The following BBS9 variants were observed in gnomAD, a reference collection of about 807,000 sequenced individuals.
The protein encoded by BBS9 is Bardet-Biedl syndrome 9, also known as protein PTHB1.
BBS9 carries 89 observed loss-of-function variants against 117.7 expected under a neutral mutation model. That is an observed-to-expected ratio of 0.76 (90% CI 0.64 to 0.90). BBS9 has a LOEUF of 0.90. Ranked by LOEUF, BBS9 falls within the 40% of genes least tolerant of loss-of-function variation. BBS9 has a pLI of 0.00. For synonymous variants in BBS9, 379 were observed against 370.9 expected (o/e 1.02, Z -0.25); for missense variants, 982 against 1,042.2 (o/e 0.94, Z 0.80).
intron 19 of BBS9, among the ~76,000 whole-genome samples, chr7:33,435,285 C>G (rs1039601279): frequency 1.3e-5 from 2 of 152,108 alleles, no homozygotes; most frequent in African/African-American, 4.8e-5. Context: ...ATAAAATTTA[C>G]TGGCTATATG....
chr7:33,314,738 A>G (rs1810111843), intron 9 of BBS9, among the ~76,000 whole-genome samples: 2 of 152,222 alleles, frequency 1.3e-5, no homozygotes, highest in Admixed American at 1.3e-4. Flanking sequence ...AATCTCACAT[A>G]GTCTTTGCCT....
intron 10 of BBS9, among the ~76,000 whole-genome samples, chr7:33,340,217 T>C (rs1816223851): frequency 6.6e-6 from 1 of 152,092 alleles, no homozygotes; most frequent in South Asian, 2.1e-4. Flanking sequence ...TGTGTATTTG[T>C]CTAGAAAATA....
At chr7:33,521,216 C>T (rs1475377588) in intron 20 of BBS9, among the ~76,000 whole-genome samples, 1 of 152,126 alleles carries the variant, frequency 6.6e-6, no homozygotes, top group Non-Finnish European at 1.5e-5. Context: ...AATGGGAGTA[C>T]AGGTCAAATA....
chr7:33,324,594 A>G (rs1584325549), intron 9 of BBS9, among the ~76,000 whole-genome samples: 1 of 142,842 alleles, frequency 7.0e-6, no homozygotes, highest in Non-Finnish European at 1.5e-5. Flanking sequence ...TTGCTAGTTA[A>G]CATCCATTTT....
At chr7:33,257,571 A>G (rs767003733) in intron 6 of BBS9, among the ~76,000 whole-genome samples, 161 bp downstream of exon 6, 1 of 152,206 alleles carries the variant, frequency 6.6e-6, no homozygotes. Context: ...TTACTATTGT[A>G]AAATATTTGA....
intron 19 of BBS9, among the ~76,000 whole-genome samples, chr7:33,432,815 T>A (rs897061812): frequency 6.6e-6 from 1 of 152,168 alleles, no homozygotes; most frequent in Admixed American, 6.5e-5. Flanking sequence ...TTTCCCTCAT[T>A]TGTATCATAT....
chr7:33,602,517 T>C (rs2129202798), intron 21 of BBS9, among the ~76,000 whole-genome samples: 1 of 151,994 alleles, frequency 6.6e-6, no homozygotes, highest in African/African-American at 2.4e-5. Flanking sequence ...TCATCTGAGG[T>C]TGGAAGTTCG....
intron 5 of BBS9, among the ~76,000 whole-genome samples, chr7:33,224,699 C>T (rs1790915209): frequency 6.6e-6 from 1 of 152,154 alleles, no homozygotes. Context: ...TCATTGCATC[C>T]CCACAGTGTC....
chr7:33,349,196 T>C (rs536031376), intron 13 of BBS9, 26 bp downstream of exon 13: 8 of 1,514,494 alleles, frequency 5.3e-6, no homozygotes, highest in Non-Finnish European at 7.3e-6. Flanking sequence ...TGGCTGAAAG[T>C]CTACCATGGT....
At chr7:33,318,216 T>G (rs1810946307) in intron 9 of BBS9, among the ~76,000 whole-genome samples, 1 of 152,258 alleles carries the variant, frequency 6.6e-6, no homozygotes, top group South Asian at 2.1e-4. Flanking sequence ...TTGTGATTCC[T>G]TGGCCCAATC....
At chr7:33,271,447 A>G (rs1214333296) in intron 7 of BBS9, among the ~76,000 whole-genome samples, 3 of 152,298 alleles carry the variant, frequency 2.0e-5, no homozygotes, top group African/African-American at 4.8e-5. Context: ...GCAAGACACA[A>G]TTGTATGCTG....
chr7:33,356,153 T>C (rs1265540012), intron 15 of BBS9, among the ~76,000 whole-genome samples: 1 of 151,874 alleles, frequency 6.6e-6, no homozygotes, highest in Non-Finnish European at 1.5e-5. Context: ...TTCCAGACTG[T>C]ATCTATTAAT....
intron 5 of BBS9, among the ~76,000 whole-genome samples, chr7:33,188,725 T>C (rs558601874): frequency 1.3e-5 from 2 of 152,262 alleles, no homozygotes; most frequent in East Asian, 3.9e-4. Flanking sequence ...TTGCAAGTCA[T>C]TGGTGATTTT....
chr7:33,496,601 G>A (rs1486447695), intron 19 of BBS9, among the ~76,000 whole-genome samples: 1 of 151,904 alleles, frequency 6.6e-6, no homozygotes, highest in Non-Finnish European at 1.5e-5. Flanking sequence ...ACAATATGAA[G>A]TGCAATAGAA....
intron 7 of BBS9, among the ~76,000 whole-genome samples, chr7:33,269,464 G>C (rs1799385710): frequency 6.6e-6 from 1 of 152,160 alleles, no homozygotes; most frequent in African/African-American, 2.4e-5. Context: ...GAAGCCCCAG[G>C]AGACAAGACC....
At chr7:33,329,470 T>G (rs1813530571) in intron 9 of BBS9, among the ~76,000 whole-genome samples, 1 of 152,180 alleles carries the variant, frequency 6.6e-6, no homozygotes, top group Non-Finnish European at 1.5e-5. Flanking sequence ...GTACATGCAG[T>G]ATTATGTTTT....
chr7:33,295,764 A>G (rs1805130185), intron 9 of BBS9, among the ~76,000 whole-genome samples: 1 of 152,080 alleles, frequency 6.6e-6, no homozygotes, highest in African/African-American at 2.4e-5. Context: ...CTATACTGAC[A>G]TCTGTTTGAT....
At chr7:33,372,839 A>G (rs1823116325) in intron 17 of BBS9, among the ~76,000 whole-genome samples, 3 of 152,194 alleles carry the variant, frequency 2.0e-5, no homozygotes, top group African/African-American at 7.2e-5. Flanking sequence ...CTTACTCGTT[A>G]TTGCTCTGTT....
At chr7:33,395,560 A>T (rs1296367244) in intron 19 of BBS9, among the ~76,000 whole-genome samples, 1 of 152,120 alleles carries the variant, frequency 6.6e-6, no homozygotes, top group African/African-American at 2.4e-5. Context: ...CATATGTGTG[A>T]TGTAATGACT....
Sources: gnomAD v4.1 joint callset for allele counts (sites outside exome capture counted in the v4.1 genomes callset) on GRCh38, gnomAD v4.1.1 for gene constraint, MANE v1.5 for transcripts, NCBI Gene and HGNC (gene_info 2026-07-23, HGNC 2026-07-21) for gene names.